The following NKAIN2 variants were observed in gnomAD, a reference collection of about 807,000 sequenced individuals.
NKAIN2 encodes the protein sodium/potassium transporting ATPase interacting 2.
Under a neutral mutation model 32.6 loss-of-function variants are expected in NKAIN2, and 14 were observed. The ratio of observed to expected loss-of-function variants is 0.43; its 90% CI spans 0.28 to 0.67. The LOEUF (loss-of-function observed/expected upper bound fraction) is 0.67. Ranked by LOEUF, NKAIN2 falls within the 30% of genes least tolerant of loss-of-function variation. The pLI, the probability that NKAIN2 is intolerant of heterozygous loss-of-function variation, is 0.17. For missense variants in NKAIN2, 198 were observed against 258.3 expected, an observed-to-expected ratio of 0.77 and a Z score of 1.60; for synonymous variants, 80 against 87.2, an observed-to-expected ratio of 0.92 and a Z score of 0.46.
chr6:123,900,999 T>G (rs1398508442), intron 1 of NKAIN2, among the ~76,000 whole-genome samples: 1 of 152,238 alleles, frequency 6.6e-6, no homozygotes, highest in Admixed American at 6.5e-5. Flanking sequence ...GATGTTACAC[T>G]TTTGATTTAC....
At chr6:124,469,565 T>G (rs2114669134) in intron 3 of NKAIN2, among the ~76,000 whole-genome samples, 1 of 152,338 alleles carries the variant, frequency 6.6e-6, no homozygotes, top group Non-Finnish European at 1.5e-5. Flanking sequence ...CTTTTTTATT[T>G]TGCTAATGTA....
intron 4 of NKAIN2, among the ~76,000 whole-genome samples, chr6:124,680,251 G>T (rs954973753): frequency 6.6e-6 from 1 of 152,088 alleles, no homozygotes; most frequent in African/African-American, 2.4e-5. Context: ...TTCCCTTAAA[G>T]ATTTACTGCA....
At chr6:124,787,932 T>A (rs1779576226) in intron 4 of NKAIN2, among the ~76,000 whole-genome samples, 1 of 151,994 alleles carries the variant, frequency 6.6e-6, no homozygotes, top group Non-Finnish European at 1.5e-5. Flanking sequence ...AAAAGCAAAT[T>A]CCATTTTGCC....
At chr6:123,915,847 T>C (rs1775468450) in intron 1 of NKAIN2, among the ~76,000 whole-genome samples, 1 of 152,180 alleles carries the variant, frequency 6.6e-6, no homozygotes, top group African/African-American at 2.4e-5. Flanking sequence ...ACACTTGTCA[T>C]AGTAAAAGTT....
chr6:124,098,574 A>G lies in NKAIN2; in HGVS notation c.55-184431A>G, dbSNP rs1582638852. 3.3e-5 allele frequency among the ~76,000 whole-genome samples: 5 copies of G among 152,152 alleles called. No individual in the cohort carries two copies. In the East Asian group the frequency reaches 5.8e-4, roughly 18 times the overall value. On this transcript the variant is annotated intron_variant, in intron 1 of 6. Coordinates refer to ENST00000368417, the MANE Select transcript of NKAIN2 (RefSeq NM_001040214.3). Reference sequence around the variant, plus strand: ...TAGTACAGTTAAAAAGGTTTTGTCAATAGAAAAATGAGTGGGCCGGGCATG... The same window carrying G: ...TAGTACAGTTAAAAAGGTTTTGTCAGTAGAAAAATGAGTGGGCCGGGCATG...
At chr6:124,733,150 G>T (rs1327688878) in intron 4 of NKAIN2, among the ~76,000 whole-genome samples, 2 of 151,904 alleles carry the variant, frequency 1.3e-5, no homozygotes, top group African/African-American at 2.4e-5. Flanking sequence ...GTTATCAGGA[G>T]TGAGGGGTGA....
intron 1 of NKAIN2, among the ~76,000 whole-genome samples, chr6:124,021,608 A>G (rs1281602756): frequency 2.0e-5 from 3 of 151,996 alleles, no homozygotes; most frequent in Admixed American, 6.6e-5. Context: ...TTACATTTTT[A>G]TATCTCTTGG....
chr6:123,924,041 T>C lies in NKAIN2; in HGVS notation c.54+119787T>C, dbSNP rs116436454. Among the ~76,000 whole-genome samples the C allele has an allele frequency of 8.1e-3, 1,236 of 152,060 alleles. 15 individuals are homozygous for C. The highest frequency in any genetic ancestry group is 0.028 in the African/African-American group (1,154 of 41,384). ...TATTAGGAATCTTTAAAAATATGAA[T>C]AATATTTTAATGGTTTAAATATAGA... On this transcript the variant is annotated intron_variant, in intron 1 of 6. Transcript: ENST00000368417.
Position 124,330,272 on chromosome 6 carries a change from G to C in NKAIN2, c.193-24995G>C, listed in dbSNP as rs115980727. On this transcript the variant is annotated intron_variant, in intron 2 of 6. Transcript: ENST00000368417. ...TTCCTGGACAACTTCTGATTTTAAT[G>C]GTTGTTTGTTCAGTACCTCGGTAAT... 2.4e-3 allele frequency among the ~76,000 whole-genome samples: 367 copies of C among 152,278 alleles called. 3 individuals carry two copies. The highest frequency in any genetic ancestry group is 8.6e-3 in the African/African-American group (357 of 41,560).
intron 3 of NKAIN2, among the ~76,000 whole-genome samples, chr6:124,382,582 A>G (rs183939553): frequency 1.0e-3 from 158 of 152,292 alleles, no homozygotes; most frequent in Non-Finnish European, 1.8e-3. Flanking sequence ...CTAATGGCAG[A>G]CAATGTAAAA....
chr6:124,194,363 T>C (rs759627283), intron 1 of NKAIN2, among the ~76,000 whole-genome samples: 127 of 152,316 alleles, frequency 8.3e-4, no homozygotes, highest in Non-Finnish European at 1.6e-3. Flanking sequence ...TCTTTTTATC[T>C]TCCTTTCAAC....
At chr6:124,418,387 A>C (rs1774591984) in intron 3 of NKAIN2, among the ~76,000 whole-genome samples, 1 of 151,704 alleles carries the variant, frequency 6.6e-6, no homozygotes, top group Admixed American at 6.6e-5. Context: ...AGATCCCTGC[A>C]GCATTGGACT....
At chr6:123,833,066 T>A (rs1173473059) in intron 1 of NKAIN2, among the ~76,000 whole-genome samples, 3 of 152,240 alleles carry the variant, frequency 2.0e-5, no homozygotes, top group Non-Finnish European at 2.9e-5. Flanking sequence ...TGTCATCTCA[T>A]AGGAGCTTAT....
At chr6:124,168,044 C>T (rs1788657612) in intron 1 of NKAIN2, among the ~76,000 whole-genome samples, 1 of 152,116 alleles carries the variant, frequency 6.6e-6, no homozygotes, top group Admixed American at 6.6e-5. Context: ...GCCTCAATGC[C>T]ACATTATTTG....
intron 1 of NKAIN2, among the ~76,000 whole-genome samples, chr6:123,974,294 A>G (rs1045786687): frequency 7.2e-6 from 1 of 139,294 alleles, no homozygotes; most frequent in African/African-American, 2.6e-5. Context: ...GATTAGAAAA[A>G]TCAAGAAATA....
At chr6:124,401,576 A>G (rs7773585) in intron 3 of NKAIN2, among the ~76,000 whole-genome samples, 73,406 of 152,058 alleles carry the variant, frequency 0.48, 17,847 homozygotes, top group South Asian at 0.58. Flanking sequence ...GCTCTACAGC[A>G]TAGCTCACTC....
At chr6:124,007,961 A>C (rs1284375612) in intron 1 of NKAIN2, among the ~76,000 whole-genome samples, 1 of 152,166 alleles carries the variant, frequency 6.6e-6, no homozygotes, top group African/African-American at 2.4e-5. Context: ...AGGGGATAAC[A>C]GATCAAAAGT....
At chr6:124,009,007 G>A (rs1780204122) in intron 1 of NKAIN2, among the ~76,000 whole-genome samples, 1 of 152,134 alleles carries the variant, frequency 6.6e-6, no homozygotes, top group Non-Finnish European at 1.5e-5. Flanking sequence ...TATTCCATAA[G>A]TCTTTACATT....
chr6:124,713,682 C>G (rs1444753303), intron 4 of NKAIN2, among the ~76,000 whole-genome samples: 1 of 152,134 alleles, frequency 6.6e-6, no homozygotes, highest in Non-Finnish European at 1.5e-5. Flanking sequence ...GTTAGGGTGG[C>G]TGTCTTCACA....
Sources: gnomAD v4.1 joint callset for allele counts (sites outside exome capture counted in the v4.1 genomes callset) on GRCh38, gnomAD v4.1.1 for gene constraint, MANE v1.5 for transcripts, NCBI Gene and HGNC (gene_info 2026-07-23, HGNC 2026-07-21) for gene names.